The following ZNF285 variants were observed in gnomAD, a reference collection of about 807,000 sequenced individuals.
ZNF285 encodes zinc finger protein 285A.
Under a neutral mutation model 6.2 loss-of-function variants are expected in ZNF285, and 4 were observed. The observed-to-expected ratio is 0.65, with a 90% confidence interval of 0.32 to 1.49. ZNF285 has a LOEUF of 1.49. Among genes scored for constraint, ZNF285 ranks in the 40% most tolerant of loss-of-function variants. The probability of loss-of-function intolerance (pLI) is 0.07; values close to 1 mark genes in which losing one functional copy is unlikely to be tolerated. For synonymous variants in ZNF285, 240 were observed against 245.8 expected, an observed-to-expected ratio of 0.98 and a Z score of 0.22; for missense variants, 695 against 708.8, an observed-to-expected ratio of 0.98 and a Z score of 0.22.
At chr19:44,389,593 C>A (rs964415229) in intron 3 of ZNF285, among the ~76,000 whole-genome samples, 1 of 152,092 alleles carries the variant, frequency 6.6e-6, no homozygotes, top group African/African-American at 2.4e-5. Context: ...TCGATAAATT[C>A]TTCTGTTTTC....
rs772309003 is a variant in ZNF285 at position 44,387,059 on chromosome 19, C to T, written c.1186G>A (p.Gly396Arg). The stretch of plus-strand genomic sequence containing the variant: ...TCACTGCATTTGTAGGGCTTCTCTC[C>T]AGTGTGGACTCTCTGATGGACAAGA... ...NLLVHQRVHT[G>R]EKPYKCSECG... is the part of the protein sequence containing the mutation. Residue 396 changes from glycine to arginine, a missense_variant, in exon 4 of 4, where the codon GGA becomes AGA. Coordinates refer to ENST00000614994, the MANE Select transcript of ZNF285 (RefSeq NM_152354.6). The T allele has an allele frequency of 1.9e-6, 3 of 1,614,048 alleles. No homozygotes were observed. The highest frequency in any genetic ancestry group is 1.7e-6 in the Non-Finnish European group (2 of 1,180,040).
intron 2 of ZNF285, among the ~76,000 whole-genome samples, chr19:44,392,932 C>A (rs149432292): frequency 0.013 from 2,021 of 152,134 alleles, 42 homozygotes; most frequent in African/African-American, 0.045. Flanking sequence ...GCAGATTAAT[C>A]TATTTGTATT....
chr19:44,396,953 G>A, intron 2 of ZNF285: 1 of 529,972 alleles, frequency 1.9e-6, no homozygotes, highest in Admixed American at 3.1e-5. Flanking sequence ...AGCAGTTCAT[G>A]GACTGGTACT....
At chr19:44,397,167 C>T (rs552653141) in intron 2 of ZNF285, 32 bp downstream of exon 2, 88 of 1,613,702 alleles carry the variant, frequency 5.5e-5, no homozygotes, top group African/African-American at 3.7e-4. Flanking sequence ...GAATGAACAG[C>T]ATATTTAAAG....
At position 44,387,417 on chromosome 19, in the gene ZNF285, G is replaced by A. The variant is rs748047051; in HGVS notation, c.828C>T (p.Ile276=). The A allele has an allele frequency of 2.4e-5, 39 of 1,613,966 alleles. No homozygotes were observed. The highest frequency in any genetic ancestry group is 8.0e-5 in the African/African-American group (6 of 74,888). The part of the protein sequence containing the change: ...GKNFSQSQDL[I]VHCKTHSGKT... ...TGCCAGAGTGAGTTTTACAATGAAC[G>A]ATAAGATCTTGGCTCTGACTAAAGT... Residue 276 remains isoleucine, a synonymous_variant, in exon 4 of 4, where the codon ATC becomes ATT. Coordinates refer to ENST00000614994, the MANE Select transcript of ZNF285 (RefSeq NM_152354.6).
intron 1 of ZNF285, among the ~76,000 whole-genome samples, chr19:44,398,320 A>G (rs574047887): frequency 4.6e-4 from 69 of 151,578 alleles, no homozygotes; most frequent in Admixed American, 1.1e-3. Flanking sequence ...TGTTCTGCTT[A>G]TATCAGTGGA....
intron 3 of ZNF285, among the ~76,000 whole-genome samples, chr19:44,390,432 T>C (rs1301524429): frequency 6.6e-6 from 1 of 152,152 alleles, no homozygotes; most frequent in African/African-American, 2.4e-5. Context: ...TGTAGCCCCT[T>C]TGTTTCGGCC....
rs377722122 is a variant in ZNF285, at chr19:44,396,819, G to A, written c.15+380C>T. 4.9e-3 allele frequency: 1,078 copies of A among 220,742 alleles called. 15 individuals carry two copies. Among genetic ancestry groups the A allele is most frequent in the African/African-American group, 0.022 (979 of 43,980 alleles). 13.7% of individuals were successfully genotyped at this position (220,742 alleles called of 1,614,324 possible). A position where few individuals can be genotyped will look rare whatever the true frequency, so the allele number is the denominator to read the frequency against. ...CAAATCTTGCTACTTATTGAATGAG[G>A]CCAGTCACATTTAGAGTATGGTCAC... On this transcript the variant is annotated intron_variant, in intron 2 of 3. Transcript: ENST00000614994.
At chr19:44,397,123 C>T in intron 2 of ZNF285, 76 bp downstream of exon 2, 1 of 1,606,816 alleles carries the variant, frequency 6.2e-7, no homozygotes, top group South Asian at 1.1e-5. Context: ...AAATGCTGAC[C>T]TCCTTTCAGA....
rs889025812 is a variant in ZNF285 at position 44,382,764 on chromosome 19, T to C, written c.*3708A>G. 2 of 152,136 alleles carry C rather than the reference T, an allele frequency of 1.3e-5. No homozygotes were observed. Among genetic ancestry groups the C allele is most frequent in the African/African-American group, 4.8e-5 (2 of 41,410 alleles). The allele number at this position is 152,136 out of a possible 1,614,324, so 9.4% of individuals were successfully genotyped here. ...CATCCATGTTGGTGAGGGAACAAAT[T>C]GACTATGCAGGTAATCTGGACTACT... On this transcript the variant is annotated 3_prime_UTR_variant, in exon 4 of 4. Coordinates refer to ENST00000614994, the MANE Select transcript of ZNF285 (RefSeq NM_152354.6).
At chr19:44,391,443 G>C (rs1020261498) in intron 3 of ZNF285, among the ~76,000 whole-genome samples, 1 of 152,076 alleles carries the variant, frequency 6.6e-6, no homozygotes, top group African/African-American at 2.4e-5. Context: ...AATTTATAAA[G>C]GAAAGAGGTT....
At chr19:44,394,557 AAAG>A (rs1390036887) in intron 2 of ZNF285, 1 of 589,796 alleles carries the variant, frequency 1.7e-6, no homozygotes, top group Non-Finnish European at 3.0e-6. Context: ...TAAAAGTTGG[AAAG>A]AAGAAAAGAA....
chr19:44,400,549 G>A (rs1971357953), intron 1 of ZNF285, among the ~76,000 whole-genome samples: 1 of 152,088 alleles, frequency 6.6e-6, no homozygotes, highest in Non-Finnish European at 1.5e-5. Context: ...AGGTGAGAAT[G>A]GAGTTAATAA....
At position 44,387,576 on chromosome 19, in the gene ZNF285, A is replaced by G. The variant is rs1171129252; in HGVS notation, c.669T>C (p.Asn223=). 6.2e-7 allele frequency: 1 copy of G among 1,613,816 alleles called. No individual in the cohort carries two copies. Among genetic ancestry groups the G allele is most frequent in the Non-Finnish European group, 8.5e-7 (1 of 1,179,860 alleles). The change falls in exon 4 of 4, where the codon AAT becomes AAC. Residue 223 remains asparagine, a synonymous_variant. Transcript: ENST00000614994. Reference sequence around the variant, plus strand: ...AAGGCTGTGGTAATACATGGGCCGCATTACGTTTTTCAACCGTTGATTTCA... The same window carrying G: ...AAGGCTGTGGTAATACATGGGCCGCGTTACGTTTTTCAACCGTTGATTTCA... ...LGMKSTVEKR[N]AAHVLPQPFP...
In ZNF285 at chr19:44,385,705, T is replaced by C. The variant is rs1204839678; in HGVS notation, c.*767A>G. On this transcript the variant is annotated 3_prime_UTR_variant, in exon 4 of 4. Coordinates refer to ENST00000614994, the MANE Select transcript of ZNF285 (RefSeq NM_152354.6). The stretch of plus-strand genomic sequence containing the variant: ...AAAAAGAAATCCAACACAGATGAAG[T>C]AGTGACCTTCTATCAACCCAGTCTG... 1 of 152,166 alleles carries C rather than the reference T, an allele frequency of 6.6e-6. No individual in the cohort carries two copies. Among genetic ancestry groups the C allele is most frequent in the African/African-American group, 2.4e-5 (1 of 41,428 alleles). 9.4% of individuals were successfully genotyped at this position (152,166 alleles called of 1,614,324 possible).
At chr19:44,397,002 A>G in intron 2 of ZNF285, 197 bp downstream of exon 2, 1 of 697,662 alleles carries the variant, frequency 1.4e-6, no homozygotes, top group Non-Finnish European at 2.4e-6. Context: ...CAAAGTAGAC[A>G]TCTTGAAATC....
chr19:44,390,182 C>T lies in ZNF285; in HGVS notation c.143-2080G>A, dbSNP rs539000268. ...CCACTGTCCTTCAGACCCCAGAATG[C>T]TAGATTCACTGACAGCTTCACTGGG... On this transcript the variant is annotated intron_variant, in intron 3 of 3. Transcript: ENST00000614994. 4.8e-5 allele frequency among the ~76,000 whole-genome samples: 7 copies of T among 145,508 alleles called. No individual in the cohort carries two copies. The South Asian group carries it at 1.3e-3, about 26-fold the overall frequency.
At chr19:44,397,760 T>G (rs1257852704) in intron 1 of ZNF285, among the ~76,000 whole-genome samples, 1 of 152,034 alleles carries the variant, frequency 6.6e-6, no homozygotes, top group Admixed American at 6.6e-5. Context: ...GGCGGATGCC[T>G]GTAATCCCAG....
At position 44,384,154 on chromosome 19, in the gene ZNF285, G is replaced by A. The variant is rs568706747; in HGVS notation, c.*2318C>T. 6.6e-6 allele frequency: 1 copy of A among 152,256 alleles called. No individual in the cohort carries two copies. Among genetic ancestry groups the A allele is most frequent in the Non-Finnish European group, 1.5e-5 (1 of 68,020 alleles). 9.4% of individuals were successfully genotyped at this position (152,256 alleles called of 1,614,324 possible). A position where few individuals can be genotyped will look rare whatever the true frequency, so the allele number is the denominator to read the frequency against. Reference sequence around the variant, plus strand: ...CAATAACATGTGGACATTTTTATAGGTCTAGATCATTGTTGATGGAGCCAT... The same window carrying A: ...CAATAACATGTGGACATTTTTATAGATCTAGATCATTGTTGATGGAGCCAT... On this transcript the variant is annotated 3_prime_UTR_variant, in exon 4 of 4. Transcript: ENST00000614994.
Sources: gnomAD v4.1 joint callset for allele counts (sites outside exome capture counted in the v4.1 genomes callset) on GRCh38, gnomAD v4.1.1 for gene constraint, MANE v1.5 for transcripts, NCBI Gene and HGNC (gene_info 2026-07-23, HGNC 2026-07-21) for gene names.